CASP9: variants seen among roughly 807,000 people sequenced by gnomAD.
CASP9 encodes caspase 9.
A neutral mutation model predicts 43.5 loss-of-function variants in CASP9; 29 were observed. The ratio of observed to expected loss-of-function variants is 0.67; its 90% CI spans 0.50 to 0.91. The LOEUF is 0.91. Among genes scored for constraint, CASP9 ranks in the 40% least tolerant of loss-of-function variants. The pLI, the probability that CASP9 is intolerant of heterozygous loss-of-function variation, is 0.00. For missense variants in CASP9, 575 were observed against 537.4 expected (o/e 1.07, Z -0.69); for synonymous variants, 206 against 211.9 (o/e 0.97, Z 0.24).
intron 4 of CASP9, among the ~76,000 whole-genome samples, chr1:15,506,570 T>C (rs950683726): frequency 3.9e-5 from 6 of 152,028 alleles, no homozygotes; most frequent in Admixed American, 2.6e-4. Flanking sequence ...GCAGTCGTAA[T>C]AGCCACCATT....
At chr1:15,502,921 C>T (rs1019249515) in intron 6 of CASP9, among the ~76,000 whole-genome samples, 1 of 152,142 alleles carries the variant, frequency 6.6e-6, no homozygotes, top group African/African-American at 2.4e-5. Flanking sequence ...CCGAGAGTGG[C>T]AGCCTTCCTC....
intron 6 of CASP9, among the ~76,000 whole-genome samples, chr1:15,500,750 G>T (rs1297664736): frequency 1.3e-5 from 2 of 152,208 alleles, no homozygotes; most frequent in Non-Finnish European, 2.9e-5. Context: ...CCTGAGGCGT[G>T]AATGTGATGG....
intron 6 of CASP9, among the ~76,000 whole-genome samples, chr1:15,501,843 C>T (rs1372265453): frequency 1.3e-5 from 2 of 152,070 alleles, no homozygotes; most frequent in Non-Finnish European, 2.9e-5. Flanking sequence ...GTAAACATGG[C>T]TCACTGTAGC....
upstream of CASP9, chr1:15,524,305 G>C (rs1399886947): frequency 2.4e-5 from 34 of 1,413,792 alleles, no homozygotes; most frequent in Non-Finnish European, 2.5e-5. Context: ...CTGCCCCCGC[G>C]TCACGGCCCC....
chr1:15,495,589 C>T (rs1020804009), intron 6 of CASP9, 137 bp from the exon 7 acceptor site: 7 of 759,152 alleles, frequency 9.2e-6, no homozygotes, highest in Non-Finnish European at 1.3e-5. Context: ...ACTCATTAAG[C>T]CAAACGGAAA....
At chr1:15,523,640 C>T (rs542464693) in intron 1 of CASP9, among the ~76,000 whole-genome samples, 1 of 151,574 alleles carries the variant, frequency 6.6e-6, no homozygotes, top group East Asian at 1.9e-4. Context: ...AACTTAAGAC[C>T]AGCCAAAAGC....
intron 1 of CASP9, among the ~76,000 whole-genome samples, chr1:15,521,629 C>G (rs563490280): frequency 6.6e-6 from 1 of 152,340 alleles, no homozygotes; most frequent in African/African-American, 2.4e-5. Flanking sequence ...GATCACGTGA[C>G]TTGCTTCACC....
chr1:15,514,202 A>C (rs1570863196), intron 2 of CASP9, among the ~76,000 whole-genome samples: 1 of 152,020 alleles, frequency 6.6e-6, no homozygotes. Context: ...GCACCCACCC[A>C]CCCTCAGCTA....
rs779005078 is a variant in CASP9, at chr1:15,504,627, G to C, written c.852C>G (p.Ile284Met). 2 of 1,613,566 alleles carry C rather than the reference G, an allele frequency of 1.2e-6. No homozygotes were observed. The highest frequency in any genetic ancestry group is 2.7e-5 in the African/African-American group (2 of 74,908). Reference sequence around the variant, plus strand: ...GCTGCTTACCCCCACCACAGGCCTGGATGAAAAAGAGCTTGGGCTTCCCTC... The same window carrying C: ...GCTGCTTACCCCCACCACAGGCCTGCATGAAAAAGAGCTTGGGCTTCCCTC... ...SLGGKPKLFF[I>M]QACGGEQKDH... The change falls in exon 6 of 9, where the codon ATC becomes ATG. Residue 284 changes from isoleucine to methionine, a missense_variant. Coordinates refer to ENST00000333868, the MANE Select transcript of CASP9 (RefSeq NM_001229.5).
chr1:15,520,499 C>A (rs917344419), intron 1 of CASP9, among the ~76,000 whole-genome samples: 1 of 152,112 alleles, frequency 6.6e-6, no homozygotes, highest in Non-Finnish European at 1.5e-5. Context: ...TAGGAATAAC[C>A]GGCGGGTATA....
intron 1 of CASP9, among the ~76,000 whole-genome samples, chr1:15,520,632 G>T (rs991511643): frequency 1.3e-5 from 2 of 152,226 alleles, no homozygotes; most frequent in African/African-American, 4.8e-5. Flanking sequence ...AGTGTCTGGG[G>T]AGACACCCAT....
chr1:15,514,896 T>C (rs1440682443), intron 2 of CASP9, among the ~76,000 whole-genome samples: 1 of 151,998 alleles, frequency 6.6e-6, no homozygotes, highest in Non-Finnish European at 1.5e-5. Context: ...TCCCAGCTAC[T>C]TGGGAGGCTG....
rs577061537 is a variant in CASP9 at position 15,523,420 on chromosome 1, C to T, written c.132+649G>A. On this transcript the variant is annotated intron_variant, in intron 1 of 8. Coordinates refer to ENST00000333868, the MANE Select transcript of CASP9 (RefSeq NM_001229.5). Reference sequence around the variant, plus strand: ...GCAGCCTGATGCCAAAGTGGGTTCCCGAAACCTCTATGCTAGAAAAGTAAA... The same window carrying T: ...GCAGCCTGATGCCAAAGTGGGTTCCTGAAACCTCTATGCTAGAAAAGTAAA... 3.4e-3 allele frequency among the ~76,000 whole-genome samples: 523 copies of T among 152,288 alleles called. 4 individuals carry two copies. Among genetic ancestry groups the T allele is most frequent in the Admixed American group, 5.5e-3 (84 of 15,294 alleles).
chr1:15,504,949 T>C (rs1377627135), intron 5 of CASP9, among the ~76,000 whole-genome samples, 191 bp from the exon 6 acceptor site: 3 of 152,060 alleles, frequency 2.0e-5, no homozygotes, highest in Non-Finnish European at 2.9e-5. Context: ...CAGCAAGGGG[T>C]TGCATGTCAA....
At chr1:15,512,082 G>A (rs1360722932) in intron 2 of CASP9, among the ~76,000 whole-genome samples, 6 of 152,210 alleles carry the variant, frequency 3.9e-5, no homozygotes, top group South Asian at 2.1e-4. Flanking sequence ...TGGGGGCTCA[G>A]AGACCCTGAG....
At chr1:15,512,107 G>A (rs948436813) in intron 2 of CASP9, among the ~76,000 whole-genome samples, 2 of 152,130 alleles carry the variant, frequency 1.3e-5, no homozygotes, top group Non-Finnish European at 1.5e-5. Context: ...AATGGGAGGT[G>A]AGCACAGCCA....
At chr1:15,495,836 C>T (rs1281607078) in intron 6 of CASP9, among the ~76,000 whole-genome samples, 1 of 152,234 alleles carries the variant, frequency 6.6e-6, no homozygotes, top group African/African-American at 2.4e-5. Context: ...GATTATTCCC[C>T]TGCCCCATTT....
intron 2 of CASP9, 140 bp from the exon 3 acceptor site, chr1:15,508,047 G>A: frequency 1.3e-6 from 1 of 774,814 alleles, no homozygotes; most frequent in Non-Finnish European, 2.2e-6. Flanking sequence ...GAGCCACCTT[G>A]GAGATCTGTT....
At chr1:15,493,513 G>A (rs1255838966) in intron 8 of CASP9, 17 of 1,347,174 alleles carry the variant, frequency 1.3e-5, no homozygotes, top group South Asian at 2.0e-5. Flanking sequence ...CACAATTCTT[G>A]AGGGTCAAGA....
Sources: allele counts gnomAD v4.1 joint callset (sites outside exome capture counted in the v4.1 genomes callset), GRCh38; gene constraint gnomAD v4.1.1; transcripts MANE v1.5; gene names NCBI Gene and HGNC (gene_info 2026-07-23, HGNC 2026-07-21).